The following NPNT variants were observed in gnomAD, a reference collection of about 807,000 sequenced individuals.
NPNT encodes the protein nephronectin.
Under a neutral mutation model 68.6 loss-of-function variants are expected in NPNT, and 45 were observed. The ratio of observed to expected loss-of-function variants is 0.66; its 90% CI spans 0.52 to 0.84. NPNT has a LOEUF of 0.84. Among genes scored for constraint, NPNT ranks in the 40% least tolerant of loss-of-function variants. The pLI is 0.00. For synonymous variants in NPNT, 233 were observed against 253.3 expected, an observed-to-expected ratio of 0.92 and a Z score of 0.76; for missense variants, 672 against 714.8, an observed-to-expected ratio of 0.94 and a Z score of 0.68.
At chr4:105,934,695 G>A (rs1729376092) in intron 3 of NPNT, among the ~76,000 whole-genome samples, 1 of 152,208 alleles carries the variant, frequency 6.6e-6, no homozygotes, top group South Asian at 2.1e-4. Context: ...AAAATAGCCA[G>A]TACATCATTT....
intron 8 of NPNT, among the ~76,000 whole-genome samples, chr4:105,952,034 T>C (rs1044774563): frequency 1.3e-4 from 20 of 152,226 alleles, no homozygotes; most frequent in Non-Finnish European, 1.0e-4. Context: ...ACTTTTACTG[T>C]AGTGCTTGGC....
chr4:105,962,178 A>C (rs535935913), intron 10 of NPNT, among the ~76,000 whole-genome samples: 3 of 152,296 alleles, frequency 2.0e-5, no homozygotes, highest in Admixed American at 2.0e-4. Context: ...ATGAAAATCC[A>C]CTTTGGTTAA....
chr4:105,895,515 G>A lies in NPNT; in HGVS notation c.-138G>A, dbSNP rs532628073. ...GCCGCGCGCCTCGCCGCTGTCCTCCGGGAGCGGCAGCAGTAGCCCGGGCGG... is the reference window on the plus strand; with the variant it reads ...GCCGCGCGCCTCGCCGCTGTCCTCCAGGAGCGGCAGCAGTAGCCCGGGCGG... On this transcript the variant is annotated 5_prime_UTR_variant, in exon 1 of 12. Coordinates refer to ENST00000379987, the MANE Select transcript of NPNT (RefSeq NM_001033047.3). The A allele has an allele frequency of 5.8e-6, 4 of 684,606 alleles. No homozygotes were observed. The highest frequency in any genetic ancestry group is 4.0e-5 in the South Asian group (2 of 50,508). The allele number at this position is 684,606 out of a possible 1,614,324, so 42.4% of individuals were successfully genotyped here.
intron 2 of NPNT, among the ~76,000 whole-genome samples, chr4:105,904,007 G>C (rs1726659530): frequency 6.6e-6 from 1 of 151,898 alleles, no homozygotes; most frequent in African/African-American, 2.4e-5. Context: ...CTGGTCTCCA[G>C]CTCTGAGCTC....
intron 2 of NPNT, 83 bp downstream of exon 2, chr4:105,898,084 G>C: frequency 1.1e-6 from 1 of 913,184 alleles, no homozygotes; most frequent in Non-Finnish European, 1.7e-6. Flanking sequence ...CATATCAGAG[G>C]GTTCATTACT....
At chr4:105,922,069 T>G (rs369537586) in intron 2 of NPNT, among the ~76,000 whole-genome samples, 10 of 152,286 alleles carry the variant, frequency 6.6e-5, no homozygotes, top group African/African-American at 2.2e-4. Flanking sequence ...TTGAAAAAAT[T>G]ACAAATGATT....
chr4:105,900,688 A>G (rs1325334971), intron 2 of NPNT, among the ~76,000 whole-genome samples: 1 of 152,164 alleles, frequency 6.6e-6, no homozygotes, highest in Non-Finnish European at 1.5e-5. Flanking sequence ...TGCTACTCAA[A>G]TGGGCATAGA....
chr4:105,945,696 T>C (rs1344478689), intron 8 of NPNT, among the ~76,000 whole-genome samples: 1 of 152,204 alleles, frequency 6.6e-6, no homozygotes, highest in African/African-American at 2.4e-5. Context: ...CCAAAATCCT[T>C]TATCCAAATA....
At chr4:105,908,595 C>T (rs931164994) in intron 2 of NPNT, among the ~76,000 whole-genome samples, 1 of 150,148 alleles carries the variant, frequency 6.7e-6, no homozygotes, top group Admixed American at 6.6e-5. Context: ...ACGGAGTCTT[C>T]CTCTGTCACC....
intron 3 of NPNT, among the ~76,000 whole-genome samples, chr4:105,934,441 T>C (rs749014763): frequency 2.2e-4 from 33 of 152,342 alleles, no homozygotes; most frequent in South Asian, 4.1e-4. Flanking sequence ...TTGGCAAATT[T>C]TGATAAACAT....
rs139151860 is a variant in NPNT, at chr4:105,964,695, T to C, written c.1346-2493T>C. 5.2e-3 allele frequency among the ~76,000 whole-genome samples: 790 copies of C among 152,328 alleles called. 8 individuals are homozygous for C. The highest frequency in any genetic ancestry group is 0.017 in the African/African-American group (691 of 41,602). ...TGTTCTTTATTTTTCTTTAGTATTT[T>C]TATTGATTTATGGAAGTTTTCTATA... is the stretch of plus-strand genomic sequence containing the variant. On this transcript the variant is annotated intron_variant, in intron 10 of 11. Coordinates refer to ENST00000379987, the MANE Select transcript of NPNT (RefSeq NM_001033047.3).
rs1730561167 is a variant in NPNT at position 105,948,511 on chromosome 4, G to A, written c.1159+5809G>A. Among the ~76,000 whole-genome samples the A allele has an allele frequency of 3.3e-5, 5 of 152,212 alleles. No homozygotes were observed. The South Asian group carries it at 1.0e-3, about 32-fold the overall frequency. On this transcript the variant is annotated intron_variant, in intron 8 of 11. Coordinates refer to ENST00000379987, the MANE Select transcript of NPNT (RefSeq NM_001033047.3). ...AAAGATCAGAGATAAGGGATCTAGTGTTTGTGAATTCTGAGTTACTATGAA... is the reference window on the plus strand; with the variant it reads ...AAAGATCAGAGATAAGGGATCTAGTATTTGTGAATTCTGAGTTACTATGAA...
At chr4:105,951,392 C>T (rs1251140261) in intron 8 of NPNT, among the ~76,000 whole-genome samples, 2 of 152,148 alleles carry the variant, frequency 1.3e-5, no homozygotes, top group Non-Finnish European at 2.9e-5. Context: ...TTACTGATTG[C>T]TGCGTGTTGT....
chr4:105,905,491 A>C (rs1726816707), intron 2 of NPNT, among the ~76,000 whole-genome samples: 2 of 152,170 alleles, frequency 1.3e-5, no homozygotes, highest in African/African-American at 4.8e-5. Flanking sequence ...CTTTTTCATA[A>C]ATGATGGCAT....
chr4:105,904,671 T>C (rs570809249), intron 2 of NPNT, among the ~76,000 whole-genome samples: 21 of 151,948 alleles, frequency 1.4e-4, no homozygotes, highest in African/African-American at 4.8e-4. Context: ...TTATTATCTT[T>C]GTAGTTTAGC....
chr4:105,909,760 A>G (rs1018631532), intron 2 of NPNT, among the ~76,000 whole-genome samples: 2 of 152,168 alleles, frequency 1.3e-5, no homozygotes, highest in African/African-American at 4.8e-5. Flanking sequence ...TTCTAGAGCT[A>G]TTGCTTTTTC....
At chr4:105,925,037 A>AT (rs927704749) in intron 2 of NPNT, among the ~76,000 whole-genome samples, 50 of 152,092 alleles carry the variant, frequency 3.3e-4, no homozygotes, top group Admixed American at 1.6e-3. Flanking sequence ...ATTAAAAAGA[A>AT]TTTTTTTAAG....
At chr4:105,920,050 T>C (rs1036212516) in intron 2 of NPNT, among the ~76,000 whole-genome samples, 4 of 152,060 alleles carry the variant, frequency 2.6e-5, no homozygotes, top group Admixed American at 2.6e-4. Context: ...TAGGCATTGT[T>C]CTTTAAAGAG....
Position 105,942,374 on chromosome 4 carries a change from A to G in NPNT, c.831A>G (p.Leu277=), listed in dbSNP as rs561280381. Residue 277 remains leucine (L), a synonymous_variant, in exon 8 of 12, where the codon TTA becomes TTG. Coordinates refer to ENST00000379987, the MANE Select transcript of NPNT (RefSeq NM_001033047.3). ...IHVPKGNGTI[L]KGDTGNNNWI... ...TACCAAAGGGAAATGGTACCATTTTAAAGGGTGACACAGGAAATAATAATT... is the reference window on the plus strand; with the variant it reads ...TACCAAAGGGAAATGGTACCATTTTGAAGGGTGACACAGGAAATAATAATT... The G allele has an allele frequency of 3.7e-6, 6 of 1,613,594 alleles. No individual in the cohort carries two copies. The South Asian group carries it at 4.4e-5, about 12-fold the overall frequency.
Sources: allele counts gnomAD v4.1 joint callset (sites outside exome capture counted in the v4.1 genomes callset), GRCh38; gene constraint gnomAD v4.1.1; transcripts MANE v1.5; gene names NCBI Gene and HGNC (gene_info 2026-07-23, HGNC 2026-07-21).